The following SEZ6 variants were observed in gnomAD, a reference collection of about 807,000 sequenced individuals.
The protein encoded by SEZ6 is seizure protein 6 homolog.
SEZ6 carries 53 observed loss-of-function variants against 101.0 expected under a neutral mutation model. That is an observed-to-expected ratio of 0.52 (90% confidence interval 0.42 to 0.66). The LOEUF (loss-of-function observed/expected upper bound fraction) is 0.66, where lower values mean the gene tolerates loss of function less well. Ranked by LOEUF, SEZ6 falls within the 30% of genes least tolerant of loss-of-function variation. SEZ6 has a pLI of 0.00. For synonymous variants in SEZ6, 488 were observed against 512.2 expected (o/e 0.95, Z 0.64); for missense variants, 1,102 against 1,289.4 (o/e 0.85, Z 2.23).
intron 1 of SEZ6, among the ~76,000 whole-genome samples, chr17:28,984,193 C>T (rs879286510): frequency 1.3e-5 from 2 of 152,198 alleles, no homozygotes; most frequent in Non-Finnish European, 2.9e-5. Context: ...CAGTGCCTGT[C>T]TTTCATCTGA....
At chr17:28,972,120 G>A (rs1178987805) in intron 3 of SEZ6, among the ~76,000 whole-genome samples, 1 of 152,218 alleles carries the variant, frequency 6.6e-6, no homozygotes, top group Non-Finnish European at 1.5e-5. Context: ...GGTGAAGCTG[G>A]TCATCTTTTC....
Position 28,960,912 on chromosome 17 carries a change from C to T in SEZ6, c.1302G>A (p.Pro434=), listed in dbSNP as rs371420535. ...TTGRIVSPGF[P]GNYSNNLTCH... is the part of the protein sequence containing the mutation. Reference sequence around the variant, plus strand: ...AGGTGAGGTTGTTGCTGTAGTTGCCCGGGAAGCCTGGAGAGACGATGCGGC... The same window carrying T: ...AGGTGAGGTTGTTGCTGTAGTTGCCTGGGAAGCCTGGAGAGACGATGCGGC... Residue 434 remains proline, a synonymous_variant, in exon 6 of 17, where the codon CCG becomes CCA. Coordinates refer to ENST00000317338, the MANE Select transcript of SEZ6 (RefSeq NM_178860.5). 7.2e-5 allele frequency: 117 copies of T among 1,613,900 alleles called. No homozygotes were observed. Among genetic ancestry groups the T allele is most frequent in the Middle Eastern group, 6.6e-4 (4 of 6,060 alleles).
intron 1 of SEZ6, among the ~76,000 whole-genome samples, chr17:29,000,489 TATATCTATGGAATGA>T (rs572270749): frequency 2.0e-5 from 3 of 152,322 alleles, no homozygotes; most frequent in Non-Finnish European, 4.4e-5. Context: ...CGTCTCAATA[TATATCTATGGAATGA>T]ATGAATGAAT....
Position 28,955,147 on chromosome 17 carries a change from T to A in SEZ6, c.*815A>T, listed in dbSNP as rs979098300. On this transcript the variant is annotated 3_prime_UTR_variant, in exon 17 of 17. Coordinates refer to ENST00000317338, the MANE Select transcript of SEZ6 (RefSeq NM_178860.5). The stretch of plus-strand genomic sequence containing the variant: ...ATGCCCACCCCCTCCCCTTATCCCA[T>A]AACACAGTGGTCAAGAGGAGAGCCT... The A allele has an allele frequency of 4.4e-5, 7 of 159,642 alleles. No individual in the cohort carries two copies. The highest frequency in any genetic ancestry group is 1.7e-4 in the African/African-American group (7 of 41,410). The allele number at this position is 159,642 out of a possible 1,614,324, so 9.9% of individuals were successfully genotyped here. A position where few individuals can be genotyped will look rare whatever the true frequency, so the allele number is the denominator to read the frequency against.
rs2041126059 is a variant in SEZ6 at position 28,969,865 on chromosome 17, AAGACTGGTTGGCCAGGGGCAGTGGGTC to A, written c.919_945del (p.Asp307_Ser315del). ...CGGATGACTTGGCCCCGCAGCAGGA[AAGACTGGTTGGCCAGGGGCAGTGGGTC>A]AGGCCCCCCCAGGCCTTCCACAGTC... On this transcript the variant is annotated inframe_deletion, in exon 4 of 17. Transcript: ENST00000317338. 6 of 1,537,452 alleles carry A rather than the reference AAGACTGGTTGGCCAGGGGCAGTGGGTC, an allele frequency of 3.9e-6. No individual in the cohort carries two copies. The highest frequency in any genetic ancestry group is 5.2e-6 in the Non-Finnish European group (6 of 1,151,884).
chr17:28,962,351 C>A (rs983124211), intron 5 of SEZ6, among the ~76,000 whole-genome samples: 1 of 152,234 alleles, frequency 6.6e-6, no homozygotes, highest in Non-Finnish European at 1.5e-5. Context: ...CACCACTCTG[C>A]CTTTACTCCT....
intron 1 of SEZ6, among the ~76,000 whole-genome samples, chr17:28,998,582 A>G (rs1011163071): frequency 1.3e-5 from 2 of 152,128 alleles, no homozygotes; most frequent in African/African-American, 4.8e-5. Context: ...ATGGAACAGC[A>G]TCAGGATCAA....
Position 28,959,538 on chromosome 17 carries a change from C to A in SEZ6, c.1772-66G>T. The A allele has an allele frequency of 6.3e-7, 1 of 1,578,048 alleles. No individual in the cohort carries two copies. The highest frequency in any genetic ancestry group is 1.1e-5 in the South Asian group (1 of 87,960). ...ACCATGGTGTTGCTTACCATCTGCC[C>A]GCAGGAGTGCCCACAAATTGCTGGG... On this transcript the variant is annotated intron_variant, in intron 8 of 16. Transcript: ENST00000317338. This position sits in a 1 kb window ranked among gnomAD's most constrained non-coding sequence, Gnocchi z 4.4.
At chr17:29,000,454 C>T (rs2041601160) in intron 1 of SEZ6, among the ~76,000 whole-genome samples, 1 of 152,170 alleles carries the variant, frequency 6.6e-6, no homozygotes, top group Non-Finnish European at 1.5e-5. Flanking sequence ...AGGCTGGGCC[C>T]CTGAGGATTC....
At chr17:28,979,454 C>G (rs1382017397) in intron 3 of SEZ6, among the ~76,000 whole-genome samples, 1 of 152,222 alleles carries the variant, frequency 6.6e-6, no homozygotes, top group Non-Finnish European at 1.5e-5. Context: ...AGTCCCCTGC[C>G]CATCCAAGGC....
chr17:28,955,925 T>C lies in SEZ6; in HGVS notation c.*37A>G, dbSNP rs758808710. 8 of 1,606,218 alleles carry C rather than the reference T, an allele frequency of 5.0e-6. No individual in the cohort carries two copies. Among genetic ancestry groups the C allele is most frequent in the South Asian group, 4.5e-5 (4 of 89,288 alleles). On this transcript the variant is annotated 3_prime_UTR_variant, in exon 17 of 17. Coordinates refer to ENST00000317338, the MANE Select transcript of SEZ6 (RefSeq NM_178860.5). ...TGCTGGACTGTGGTGCAAGTCTGAGTTGACTTCCCTAGACTGCCCCCACCT... is the reference window on the plus strand; with the variant it reads ...TGCTGGACTGTGGTGCAAGTCTGAGCTGACTTCCCTAGACTGCCCCCACCT...
intron 3 of SEZ6, among the ~76,000 whole-genome samples, chr17:28,970,916 G>A (rs765474156): frequency 5.9e-5 from 9 of 152,190 alleles, no homozygotes; most frequent in African/African-American, 1.2e-4. Context: ...CATGTCAATC[G>A]TGATTCTCTC....
At position 28,981,587 on chromosome 17, in the gene SEZ6, C is replaced by T. The variant is rs2041305087; in HGVS notation, c.508G>A (p.Glu170Lys). ...SMAVPTLGPG[E>K]IASTTPPSRA... ...CTGGGGGGTGTAGTGCTGGCTATCT[C>T]CCCTGGGCCTAGGGTGGGCACTGCC... Residue 170 changes from glutamate (E) to lysine (K), a missense_variant, in exon 2 of 17, where the codon GAG (glutamate) becomes AAG (lysine). Around this residue, in one of 3 missense-constraint regions of SEZ6, gnomAD observed 406 missense variants for 418.6 expected, o/e 0.97. Coordinates refer to ENST00000317338, the MANE Select transcript of SEZ6 (RefSeq NM_178860.5). The T allele has an allele frequency of 1.9e-6, 3 of 1,607,730 alleles. No homozygotes were observed. Among genetic ancestry groups the T allele is most frequent in the Admixed American group, 1.7e-5 (1 of 59,612 alleles).
rs536505962 is a variant in SEZ6 at position 28,970,044 on chromosome 17, C to T, written c.859-92G>A. 2.4e-5 allele frequency: 28 copies of T among 1,190,922 alleles called. No homozygotes were observed. In the African/African-American group the frequency reaches 4.3e-4, roughly 18 times the overall value. The allele number at this position is 1,190,922 out of a possible 1,614,324, so 73.8% of individuals were successfully genotyped here. A position where few individuals can be genotyped will look rare whatever the true frequency, so the allele number is the denominator to read the frequency against. ...CCCTCAGGATCCTGCAGGCCCCGGG[C>T]AGATCAATCCTCAATGCTACTTGAG... On this transcript the variant is annotated intron_variant, in intron 3 of 16. Transcript: ENST00000317338.
chr17:28,988,979 C>A (rs1223334651), intron 1 of SEZ6, among the ~76,000 whole-genome samples: 1 of 152,186 alleles, frequency 6.6e-6, no homozygotes, highest in African/African-American at 2.4e-5. Flanking sequence ...GGGACAGAGA[C>A]CCCACTGCCT....
In SEZ6 at chr17:28,981,409, G is replaced by A. The variant is rs777951826; in HGVS notation, c.686C>T (p.Thr229Ile). ...TGTGGTGATGGTGGTGGTGATGATGGTGGTGGTAGTGGTGGTCTCCTCATC... is the reference window on the plus strand; with the variant it reads ...TGTGGTGATGGTGGTGGTGATGATGATGGTGGTAGTGGTGGTCTCCTCATC... ...GDDEETTTTT[T>I]IITTTITTVQ... Residue 229 changes from threonine to isoleucine, a missense_variant, in exon 2 of 17, where the codon ACC becomes ATC. Physicochemically the swap from Thr to Ile is moderately conservative, Grantham distance 89 (BLOSUM62 -1). Coordinates refer to ENST00000317338, the MANE Select transcript of SEZ6 (RefSeq NM_178860.5). 1.4e-5 allele frequency: 22 copies of A among 1,553,900 alleles called. No homozygotes were observed. The East Asian group carries it at 2.2e-4, about 15-fold the overall frequency.
intron 1 of SEZ6, among the ~76,000 whole-genome samples, chr17:28,994,284 T>C (rs1284384434): frequency 6.6e-6 from 1 of 152,084 alleles, no homozygotes. Context: ...TTTTTTTTTT[T>C]TCCTTTTTGG....
intron 14 of SEZ6, 96 bp downstream of exon 14, chr17:28,956,623 T>C: frequency 6.5e-7 from 1 of 1,528,460 alleles, no homozygotes; most frequent in Non-Finnish European, 8.9e-7. Flanking sequence ...ACCTCTCTCT[T>C]TCTCTGCCCT....
At chr17:28,965,451 C>T (rs534394083) in intron 4 of SEZ6, among the ~76,000 whole-genome samples, 6 of 152,068 alleles carry the variant, frequency 3.9e-5, no homozygotes, top group African/African-American at 1.2e-4. Context: ...GCAGCCTGGG[C>T]AACATAGTGA....
Sources: allele counts gnomAD v4.1 joint callset (sites outside exome capture counted in the v4.1 genomes callset), GRCh38; gene constraint gnomAD v4.1.1; regional missense constraint gnomAD v4.1.1; non-coding constraint Gnocchi (gnomAD v3.1); transcripts MANE v1.5; gene names NCBI Gene and HGNC (gene_info 2026-07-23, HGNC 2026-07-21).